The following AKAP6 variants were observed in gnomAD, a reference collection of about 807,000 sequenced individuals.
AKAP6 encodes A-kinase anchoring protein 6, also known as A-kinase anchor protein 6.
Under a neutral mutation model 188.5 loss-of-function variants are expected in AKAP6, and 58 were observed. The observed-to-expected ratio is 0.31, with a 90% CI of 0.25 to 0.38. AKAP6 has a LOEUF of 0.38. Ranked by LOEUF, AKAP6 falls within the 10% of genes least tolerant of loss-of-function variation. The pLI is 1.00. For missense variants in AKAP6, 2,710 were observed against 2,740.0 expected (o/e 0.99, Z 0.24); for synonymous variants, 989 against 998.6 (o/e 0.99, Z 0.18).
intron 9 of AKAP6, among the ~76,000 whole-genome samples, chr14:32,725,248 G>A (rs1176961983): frequency 1.3e-5 from 2 of 152,108 alleles, no homozygotes; most frequent in Non-Finnish European, 2.9e-5. Flanking sequence ...CTTGCAGAGA[G>A]CATTCATTTT....
Position 32,433,680 on chromosome 14 carries a change from G to C in AKAP6, c.187G>C (p.Asp63His). The C allele has an allele frequency of 2.4e-5, 39 of 1,614,192 alleles. No individual in the cohort carries two copies. Among genetic ancestry groups the C allele is most frequent in the Non-Finnish European group, 3.2e-5 (38 of 1,180,040 alleles). ...EKPPPLHTGA[D>H]WKIVLHLPEI... ...GCCACCCCCACTACACACAGGGGCTGACTGGAAGATTGTCCTCCACTTACC... is the reference window on the plus strand; with the variant it reads ...GCCACCCCCACTACACACAGGGGCTCACTGGAAGATTGTCCTCCACTTACC... Residue 63 changes from aspartate (D) to histidine (H), a missense_variant, in exon 2 of 14, where the codon GAC (aspartate) becomes CAC (histidine). By Grantham distance (81) the Asp-to-His change is moderately conservative. This residue lies in a region of AKAP6 where 237 missense variants were observed against 313.9 expected (regional missense o/e 0.76). Transcript: ENST00000280979.
At chr14:32,590,830 T>G (rs1446537121) in intron 5 of AKAP6, among the ~76,000 whole-genome samples, 2 of 152,226 alleles carry the variant, frequency 1.3e-5, no homozygotes, top group African/African-American at 4.8e-5. Context: ...GTTACTGTTT[T>G]AAAATATGAA....
At position 32,794,240 on chromosome 14, in the gene AKAP6, G is replaced by A. The variant is rs186474995; in HGVS notation, c.3588+20347G>A. ...TGAAAAACATGCTCCTGAATGACTC[G>A]GGTAAATAATTAAGGCAGAAATCAA... On this transcript the variant is annotated intron_variant, in intron 12 of 13. Coordinates refer to ENST00000280979, the MANE Select transcript of AKAP6 (RefSeq NM_004274.5). Among the ~76,000 whole-genome samples, 499 of 152,138 alleles carry A rather than the reference G, an allele frequency of 3.3e-3. 6 individuals carry two copies. Among genetic ancestry groups the A allele is most frequent in the Non-Finnish European group, 5.2e-3 (353 of 68,006 alleles).
intron 1 of AKAP6, among the ~76,000 whole-genome samples, chr14:32,410,147 C>CCTT (rs1889434208): frequency 4.0e-5 from 1 of 25,118 alleles, no homozygotes; most frequent in Non-Finnish European, 2.6e-4. Context: ...ATCCCCTTCC[C>CCTT]CTCCTTTTTT....
At chr14:32,423,033 T>C (rs1302793633) in intron 1 of AKAP6, among the ~76,000 whole-genome samples, 1 of 152,198 alleles carries the variant, frequency 6.6e-6, no homozygotes, top group Non-Finnish European at 1.5e-5. Context: ...TTTTTCTTCC[T>C]ATTCTTGAGT....
intron 5 of AKAP6, among the ~76,000 whole-genome samples, chr14:32,579,800 G>A (rs1459156925): frequency 2.6e-5 from 4 of 152,082 alleles, no homozygotes; most frequent in Non-Finnish European, 4.4e-5. Flanking sequence ...AAAAGAAAAT[G>A]TATGAATAAG....
chr14:32,382,396 C>T (rs1015176499), intron 1 of AKAP6, among the ~76,000 whole-genome samples: 17 of 152,150 alleles, frequency 1.1e-4, no homozygotes, highest in Non-Finnish European at 2.9e-5. Flanking sequence ...GCGGGTTGCA[C>T]ACTGTCTTTG....
chr14:32,481,191 G>T (rs568228682), intron 2 of AKAP6, among the ~76,000 whole-genome samples: 1 of 152,078 alleles, frequency 6.6e-6, no homozygotes, highest in Non-Finnish European at 1.5e-5. Flanking sequence ...TCTATAACCC[G>T]TGATTAGATA....
chr14:32,816,613 A>G (rs1184907420), intron 12 of AKAP6, among the ~76,000 whole-genome samples: 1 of 152,200 alleles, frequency 6.6e-6, no homozygotes, highest in East Asian at 1.9e-4. Context: ...CAAGAAAAGC[A>G]GAGTATAGAA....
At position 32,551,957 on chromosome 14, in the gene AKAP6, C is replaced by T. The variant is rs148374536; in HGVS notation, c.2346+4958C>T. On this transcript the variant is annotated intron_variant, in intron 4 of 13. Transcript: ENST00000280979. ...CTGGGATTATAGGCGTGAGCCACCA[C>T]GCCCGGCCTACATTCTGTAATTTTA... Among the ~76,000 whole-genome samples, 276 of 152,200 alleles carry T rather than the reference C, an allele frequency of 1.8e-3. 2 individuals are homozygous for T. The highest frequency in any genetic ancestry group is 5.8e-3 in the African/African-American group (240 of 41,538).
chr14:32,586,811 A>G (rs368119452), intron 5 of AKAP6, among the ~76,000 whole-genome samples: 1 of 152,218 alleles, frequency 6.6e-6, no homozygotes, highest in African/African-American at 2.4e-5. Context: ...GGTTGTTTAC[A>G]GTCTTTTTCT....
intron 2 of AKAP6, among the ~76,000 whole-genome samples, chr14:32,454,228 T>TA (rs796071745): frequency 9.2e-5 from 14 of 152,284 alleles, no homozygotes; most frequent in African/African-American, 2.4e-4. Context: ...ACTGGCATTT[T>TA]AAAAAATATA....
At chr14:32,383,087 ATGTGTGTGTGTGTGTGTGTG>A (rs3031402) in intron 1 of AKAP6, among the ~76,000 whole-genome samples, 9 of 143,268 alleles carry the variant, frequency 6.3e-5, no homozygotes, top group South Asian at 4.6e-4. Context: ...GGCAGATTTT[ATGTGTGTGTGTGTGTGTGTG>A]TGTGTGTGTG....
In AKAP6 at chr14:32,545,670, C is replaced by T. The variant is rs375820695; in HGVS notation, c.1017C>T (p.Pro339=). ...AAGCTCTGACAAATGCTGCTCAACCCTCCTCTGAGACTGTGCAGCAAGAAT... is the reference window on the plus strand; with the variant it reads ...AAGCTCTGACAAATGCTGCTCAACCTTCCTCTGAGACTGTGCAGCAAGAAT... ...SGEALTNAAQ[P]SSETVQQESS... is the part of the protein sequence containing the mutation. Residue 339 remains proline, a synonymous_variant, in exon 4 of 14, where the codon CCC becomes CCT. Transcript: ENST00000280979. The T allele has an allele frequency of 3.3e-5, 53 of 1,614,060 alleles. No individual in the cohort carries two copies. The highest frequency in any genetic ancestry group is 4.4e-5 in the Non-Finnish European group (52 of 1,180,034).
At chr14:32,653,756 A>T (rs1397172675) in intron 7 of AKAP6, among the ~76,000 whole-genome samples, 1 of 152,194 alleles carries the variant, frequency 6.6e-6, no homozygotes, top group Non-Finnish European at 1.5e-5. Context: ...TTAAGTAATA[A>T]GTTTGTATTC....
chr14:32,441,277 A>G (rs976656264), intron 2 of AKAP6, among the ~76,000 whole-genome samples: 8 of 152,164 alleles, frequency 5.3e-5, no homozygotes, highest in Admixed American at 5.2e-4. Flanking sequence ...GGTGGTTATT[A>G]GTGGAAATGC....
At chr14:32,547,070 C>T in intron 4 of AKAP6, 71 bp downstream of exon 4, 3 of 1,317,902 alleles carry the variant, frequency 2.3e-6, no homozygotes, top group South Asian at 2.9e-5. Flanking sequence ...GAAGGTCACA[C>T]TCCTACACTC....
Position 32,546,658 on chromosome 14 carries a change from T to C in AKAP6, c.2005T>C (p.Trp669Arg). 3 of 1,614,172 alleles carry C rather than the reference T, an allele frequency of 1.9e-6. No homozygotes were observed. Among genetic ancestry groups the C allele is most frequent in the Non-Finnish European group, 2.5e-6 (3 of 1,180,028 alleles). ...AGAAACCATCCAGAATATTGATGAC[T>C]GGGAACTGTCTGAAATGAATTCAGA... ...RGETIQNIDD[W>R]ELSEMNSDSE... is the part of the protein sequence containing the mutation. Residue 669 changes from tryptophan to arginine, a missense_variant, in exon 4 of 14, where the codon TGG (tryptophan) becomes CGG (arginine). Coordinates refer to ENST00000280979, the MANE Select transcript of AKAP6 (RefSeq NM_004274.5).
intron 2 of AKAP6, chr14:32,438,644 A>G (rs576552142): frequency 1.3e-5 from 2 of 152,330 alleles, no homozygotes; most frequent in African/African-American, 4.8e-5. Context: ...TTTAAAACTG[A>G]AAATGAAACC....
Sources: allele counts gnomAD v4.1 joint callset (sites outside exome capture counted in the v4.1 genomes callset), GRCh38; gene constraint gnomAD v4.1.1; regional missense constraint gnomAD v4.1.1; transcripts MANE v1.5; gene names NCBI Gene and HGNC (gene_info 2026-07-23, HGNC 2026-07-21).